Variants in UGGT1 observed in about 807,000 individuals in gnomAD.
UGGT1 encodes UDP-glucose:glycoprotein glucosyltransferase 1.
A neutral mutation model predicts 203.9 loss-of-function variants in UGGT1; 107 were observed. The observed-to-expected ratio is 0.52, with a 90% CI of 0.45 to 0.62. The LOEUF (loss-of-function observed/expected upper bound fraction) is 0.62, where lower values mean the gene tolerates loss of function less well. Among genes scored for constraint, UGGT1 ranks in the 20% least tolerant of loss-of-function variants. UGGT1 has a pLI of 0.00. For synonymous variants in UGGT1, 628 were observed against 653.5 expected (o/e 0.96, Z 0.59); for missense variants, 1,673 against 1,867.2 (o/e 0.90, Z 1.92).
intron 19 of UGGT1, among the ~76,000 whole-genome samples, chr2:128,154,689 G>C (rs1456961719): frequency 6.6e-6 from 1 of 152,208 alleles, no homozygotes; most frequent in Non-Finnish European, 1.5e-5. Flanking sequence ...TAGGTGTTCA[G>C]TGTGCATTGT....
chr2:128,101,342 T>A (rs1385105035), intron 2 of UGGT1, among the ~76,000 whole-genome samples: 1 of 152,214 alleles, frequency 6.6e-6, no homozygotes, highest in Non-Finnish European at 1.5e-5. Context: ...CTTCCTTGCA[T>A]CTATCCCTTA....
intron 16 of UGGT1, 121 bp downstream of exon 16, chr2:128,138,973 T>A: frequency 7.8e-7 from 1 of 1,278,200 alleles, no homozygotes; most frequent in Non-Finnish European, 1.1e-6. Flanking sequence ...GGTCCTGAAT[T>A]TAAAAGTCAT....
intron 3 of UGGT1, among the ~76,000 whole-genome samples, chr2:128,105,595 A>T (rs998371679): frequency 6.6e-6 from 1 of 151,768 alleles, no homozygotes; most frequent in Non-Finnish European, 1.5e-5. Flanking sequence ...ACTCACTGCA[A>T]TCTCTGCCAC....
chr2:128,122,853 A>G (rs936676840), intron 10 of UGGT1, among the ~76,000 whole-genome samples: 3 of 152,338 alleles, frequency 2.0e-5, no homozygotes, highest in South Asian at 2.1e-4. Context: ...GGGAAGAGCA[A>G]TCTGCTGCCT....
At chr2:128,148,770 G>GT (rs912652873) in intron 18 of UGGT1, among the ~76,000 whole-genome samples, 8 of 150,968 alleles carry the variant, frequency 5.3e-5, no homozygotes, top group African/African-American at 2.0e-4. Flanking sequence ...TTTTTTCTTT[G>GT]TTTTTTGACC....
At chr2:128,134,429 G>A (rs369253733) in intron 14 of UGGT1, among the ~76,000 whole-genome samples, 2 of 152,342 alleles carry the variant, frequency 1.3e-5, no homozygotes, top group African/African-American at 4.8e-5. Flanking sequence ...TTAAGCGAGA[G>A]AATACGTCTA....
At position 128,145,919 on chromosome 2, in the gene UGGT1, G is replaced by A. The variant is rs779976451; in HGVS notation, c.1968G>A (p.Met656Ile). The A allele has an allele frequency of 1.1e-5, 18 of 1,613,974 alleles. No individual in the cohort carries two copies. Among genetic ancestry groups the A allele is most frequent in the African/African-American group, 2.7e-5 (2 of 74,908 alleles). The change falls in exon 18 of 41, where the codon ATG (methionine) becomes ATA (isoleucine). Residue 656 changes from methionine (M) to isoleucine (I), a missense_variant. Met to Ile is a conservative substitution (Grantham distance 10). Transcript: ENST00000259253. The stretch of plus-strand genomic sequence containing the variant: ...CTGATGAGTTAGAAACCATCACAAT[G>A]CATAAAATCCTGGAGACCACCACCT... ...LDPDELETIT[M>I]HKILETTTFF...
intron 2 of UGGT1, among the ~76,000 whole-genome samples, chr2:128,097,932 G>C (rs943076529): frequency 2.6e-5 from 4 of 152,186 alleles, no homozygotes; most frequent in African/African-American, 9.7e-5. Flanking sequence ...TGAGATCTTG[G>C]CTCACTGTGA....
intron 39 of UGGT1, among the ~76,000 whole-genome samples, chr2:128,187,046 T>C (rs1692018551): frequency 6.6e-6 from 1 of 152,170 alleles, no homozygotes; most frequent in Non-Finnish European, 1.5e-5. Flanking sequence ...GTTGGGGCTA[T>C]TCTTATAGAA....
chr2:128,178,672 GT>G (rs1317518816), intron 34 of UGGT1, 103 bp downstream of exon 34: 21 of 965,808 alleles, frequency 2.2e-5, no homozygotes, highest in Non-Finnish European at 3.2e-5. Flanking sequence ...ATACTCCTGT[GT>G]CTTTGAAGCA....
chr2:128,110,020 T>A (rs1687774579), intron 5 of UGGT1, among the ~76,000 whole-genome samples: 1 of 152,232 alleles, frequency 6.6e-6, no homozygotes, highest in Non-Finnish European at 1.5e-5. Flanking sequence ...AATGACTGCA[T>A]CTGAGCAATG....
intron 13 of UGGT1, among the ~76,000 whole-genome samples, chr2:128,130,071 G>T (rs1688800023): frequency 6.6e-6 from 1 of 151,990 alleles, no homozygotes; most frequent in Non-Finnish European, 1.5e-5. Flanking sequence ...GACCAGCCTG[G>T]CCAACATGGT....
Position 128,157,330 on chromosome 2 carries a change from A to T in UGGT1, c.2339A>T (p.Asp780Val). The T allele has an allele frequency of 6.2e-7, 1 of 1,613,998 alleles. No individual in the cohort carries two copies. Among genetic ancestry groups the T allele is most frequent in the Non-Finnish European group, 8.5e-7 (1 of 1,179,886 alleles). The change falls in exon 22 of 41, where the codon GAT becomes GTT. Residue 780 changes from aspartate to valine, a missense_variant. Asp to Val is a radical substitution (Grantham distance 152). Transcript: ENST00000259253. ...CCTTCTGGACGGCAGTTACTGTATG[A>T]TGCCATCAAACATCAGGCAAGTATC... ...DSPSGRQLLYDAIKHQKSSNN... is the reference protein window; with the variant it reads ...DSPSGRQLLYVAIKHQKSSNN...
intron 10 of UGGT1, among the ~76,000 whole-genome samples, chr2:128,122,906 A>G (rs772990981): frequency 6.6e-6 from 1 of 152,236 alleles, no homozygotes; most frequent in Non-Finnish European, 1.5e-5. Context: ...AGTAGTAGAG[A>G]TCATATATAG....
intron 11 of UGGT1, among the ~76,000 whole-genome samples, chr2:128,126,115 T>A (rs1688587717): frequency 6.7e-6 from 1 of 150,000 alleles, no homozygotes; most frequent in Admixed American, 6.6e-5. Flanking sequence ...CTAATTTTTT[T>A]ATATTTTTAG....
rs182896234 is a variant in UGGT1, at chr2:128,108,158, G to A, written c.408+90G>A. 27 of 1,433,424 alleles carry A rather than the reference G, an allele frequency of 1.9e-5. No homozygotes were observed. In the African/African-American group the frequency reaches 3.3e-4, roughly 17 times the overall value. The allele number at this position is 1,433,424 out of a possible 1,614,324, so 88.8% of individuals were successfully genotyped here. A position where few individuals can be genotyped will look rare whatever the true frequency, so the allele number is the denominator to read the frequency against. The stretch of plus-strand genomic sequence containing the variant: ...AGTTGTCCTGGAATTGAATTACAGA[G>A]CTATTATCACTTTTTTGCCTGAAAT... On this transcript the variant is annotated intron_variant, in intron 4 of 40. Transcript: ENST00000259253.
Position 128,161,236 on chromosome 2 carries a change from T to C in UGGT1, c.2793T>C (p.Ser931=). Residue 931 remains serine, a synonymous_variant, in exon 25 of 41, where the codon TCT becomes TCC. Transcript: ENST00000259253. ...ILKTSGQKIK[S]HIQQLRVEED... is the part of the protein sequence containing the mutation. The stretch of plus-strand genomic sequence containing the variant: ...AAACCTCAGGACAGAAAATAAAATC[T>C]CATATTCAACAGCTTCGGGTAGAAG... 2 of 1,614,008 alleles carry C rather than the reference T, an allele frequency of 1.2e-6. No individual in the cohort carries two copies. Among genetic ancestry groups the C allele is most frequent in the Non-Finnish European group, 1.7e-6 (2 of 1,179,940 alleles).
At chr2:128,176,764 G>A (rs1573621912) in intron 31 of UGGT1, 50 bp from the exon 32 acceptor site, 3 of 1,549,456 alleles carry the variant, frequency 1.9e-6, no homozygotes, top group South Asian at 2.3e-5. Context: ...AGCATTTGCT[G>A]CCTTTTGAGA....
chr2:128,151,402 T>C, intron 18 of UGGT1: 2 of 382,876 alleles, frequency 5.2e-6, no homozygotes, highest in Non-Finnish European at 9.9e-6. Context: ...ATTCCCCTCC[T>C]TGAACTCGAT....
Sources: gnomAD v4.1 joint callset for allele counts (sites outside exome capture counted in the v4.1 genomes callset) on GRCh38, gnomAD v4.1.1 for gene constraint, MANE v1.5 for transcripts, NCBI Gene and HGNC (gene_info 2026-07-23, HGNC 2026-07-21) for gene names.